KAZN: variants seen among roughly 807,000 people sequenced by gnomAD.
The protein encoded by KAZN is kazrin.
A neutral mutation model predicts 87.4 loss-of-function variants in KAZN; 40 were observed. The observed-to-expected ratio is 0.46, with a 90% CI of 0.36 to 0.60. KAZN has a LOEUF of 0.60. KAZN is among the 20% of genes least tolerant of loss of function. The probability of loss-of-function intolerance (pLI) is 0.00; values close to 1 mark genes in which losing one functional copy is unlikely to be tolerated. For synonymous variants in KAZN, 466 were observed against 458.3 expected (o/e 1.02, Z -0.22); for missense variants, 898 against 1,073.9 (o/e 0.84, Z 2.29).
At chr1:14,200,287 A>T (rs556129805) in intron 2 of KAZN, among the ~76,000 whole-genome samples, 9 of 152,314 alleles carry the variant, frequency 5.9e-5, no homozygotes, top group African/African-American at 1.9e-4. Context: ...GGTAAATTTT[A>T]AAAAAGCTTA....
chr1:15,048,326 G>A (rs2100395378), intron 4 of KAZN, among the ~76,000 whole-genome samples: 1 of 152,356 alleles, frequency 6.6e-6, no homozygotes, highest in Non-Finnish European at 1.5e-5. Flanking sequence ...CCTTGCTGGG[G>A]GCATTTCCTG....
At chr1:13,909,009 C>A (rs184776337) in intron 1 of KAZN, among the ~76,000 whole-genome samples, 2 of 152,324 alleles carry the variant, frequency 1.3e-5, no homozygotes, top group East Asian at 3.9e-4. Context: ...CTCCTCGCTT[C>A]TTGGTACACG....
At chr1:14,861,867 G>T (rs949125622) in intron 1 of KAZN, among the ~76,000 whole-genome samples, 1 of 152,208 alleles carries the variant, frequency 6.6e-6, no homozygotes, top group Non-Finnish European at 1.5e-5. Context: ...GGAGAGAGCC[G>T]ATCTGAGCAG....
At chr1:14,117,367 G>A (rs1036248271) in intron 1 of KAZN, among the ~76,000 whole-genome samples, 4 of 152,138 alleles carry the variant, frequency 2.6e-5, no homozygotes, top group Non-Finnish European at 5.9e-5. Flanking sequence ...ATTTTAAAAA[G>A]GGGAATTTCC....
chr1:15,051,270 A>G (rs1171644651), intron 4 of KAZN, among the ~76,000 whole-genome samples: 1 of 152,238 alleles, frequency 6.6e-6, no homozygotes, highest in Non-Finnish European at 1.5e-5. Context: ...TGATGGGTGC[A>G]CTGTGGCCTC....
At chr1:14,995,315 C>A (rs556413136) in intron 2 of KAZN, among the ~76,000 whole-genome samples, 1 of 152,202 alleles carries the variant, frequency 6.6e-6, no homozygotes, top group African/African-American at 2.4e-5. Context: ...TTAGACCAGG[C>A]GCTCCAGGGA....
At chr1:13,963,819 A>G (rs551146868) in intron 1 of KAZN, among the ~76,000 whole-genome samples, 36 of 150,408 alleles carry the variant, frequency 2.4e-4, no homozygotes, top group African/African-American at 8.8e-4. Flanking sequence ...GTAGTGGATG[A>G]CAGGGCAGTA....
At position 14,249,331 on chromosome 1, in the gene KAZN, A is replaced by G. The variant is rs570485610; in HGVS notation, c.249+68739A>G. Among the ~76,000 whole-genome samples, 6 of 152,352 alleles carry G rather than the reference A, an allele frequency of 3.9e-5. No individual in the cohort carries two copies. In the East Asian group the frequency reaches 1.2e-3, roughly 29 times the overall value. ...CAAAAAGAAAGCTCTGATTATGTGA[A>G]CTTTTGAATTAAAGAAAAACAGTTG... On this transcript the variant is annotated intron_variant, in intron 2 of 16. Transcript: ENST00000636203.
At chr1:14,033,957 T>C (rs997275444) in intron 1 of KAZN, among the ~76,000 whole-genome samples, 1 of 152,214 alleles carries the variant, frequency 6.6e-6, no homozygotes, top group Non-Finnish European at 1.5e-5. Flanking sequence ...ACCAGCAGAC[T>C]GGCACATCTT....
intron 1 of KAZN, among the ~76,000 whole-genome samples, chr1:14,145,675 G>A (rs1399939054): frequency 6.6e-6 from 1 of 151,884 alleles, no homozygotes; most frequent in Non-Finnish European, 1.5e-5. Context: ...CTGTCTCCCA[G>A]ATTCAAGTGA....
At chr1:14,827,838 G>A (rs530398385) in intron 1 of KAZN, among the ~76,000 whole-genome samples, 5 of 152,354 alleles carry the variant, frequency 3.3e-5, no homozygotes, top group African/African-American at 1.2e-4. Flanking sequence ...CCCTGGCTAA[G>A]GTGGAACAGG....
chr1:14,016,214 G>A (rs1210125784), intron 1 of KAZN, among the ~76,000 whole-genome samples: 2 of 152,148 alleles, frequency 1.3e-5, no homozygotes, highest in African/African-American at 4.8e-5. Flanking sequence ...AAAGGACAAT[G>A]TAGGGCTCCG....
intron 1 of KAZN, among the ~76,000 whole-genome samples, chr1:14,121,305 G>A (rs1036745870): frequency 2.0e-5 from 3 of 152,112 alleles, no homozygotes; most frequent in Non-Finnish European, 4.4e-5. Flanking sequence ...TCATCACTAC[G>A]GTGAATGAAG....
Position 14,180,670 on chromosome 1 carries a change from G to C in KAZN, c.249+78G>C, listed in dbSNP as rs1051858119. On this transcript the variant is annotated intron_variant, in intron 2 of 16. Coordinates refer to the KAZN transcript ENST00000636203. ...TTTTTGGCATAAGCTGTCCAAAAATGTTCAACTACCACACCTATTGAAACC... is the reference window on the plus strand; with the variant it reads ...TTTTTGGCATAAGCTGTCCAAAAATCTTCAACTACCACACCTATTGAAACC... 4 of 1,204,396 alleles carry C rather than the reference G, an allele frequency of 3.3e-6. No individual in the cohort carries two copies. In the African/African-American group the frequency reaches 4.6e-5, roughly 14 times the overall value. The allele number at this position is 1,204,396 out of a possible 1,614,324, so 74.6% of individuals were successfully genotyped here. A position where few individuals can be genotyped will look rare whatever the true frequency, so the allele number is the denominator to read the frequency against.
Position 14,894,012 on chromosome 1 carries a change from G to A in KAZN, c.227-66672G>A, listed in dbSNP as rs181133845. Among the ~76,000 whole-genome samples, 819 of 152,198 alleles carry A rather than the reference G, an allele frequency of 5.4e-3. 3 individuals carry two copies. The highest frequency in any genetic ancestry group is 0.027 in the South Asian group (128 of 4,816). Reference sequence around the variant, plus strand: ...GAAGAGTATAATTAATCAGCACTTAGGGACCTCTGGCTGCTGATTTCAAGC... The same window carrying A: ...GAAGAGTATAATTAATCAGCACTTAAGGACCTCTGGCTGCTGATTTCAAGC... On this transcript the variant is annotated intron_variant, in intron 1 of 14. Transcript: ENST00000376030.
intron 1 of KAZN, among the ~76,000 whole-genome samples, chr1:14,009,404 G>C (rs947898621): frequency 6.6e-6 from 1 of 152,076 alleles, no homozygotes; most frequent in Non-Finnish European, 1.5e-5. Flanking sequence ...CATAGTGGCC[G>C]TACCATTTCA....
At chr1:14,074,049 C>T (rs1182233989) in intron 1 of KAZN, among the ~76,000 whole-genome samples, 1 of 152,172 alleles carries the variant, frequency 6.6e-6, no homozygotes, top group African/African-American at 2.4e-5. Flanking sequence ...CTGTCTCAAA[C>T]TACACACCCC....
chr1:14,565,531 A>G (rs1674504115), intron 2 of KAZN, among the ~76,000 whole-genome samples: 1 of 152,138 alleles, frequency 6.6e-6, no homozygotes, highest in African/African-American at 2.4e-5. Context: ...AAAATAAGAC[A>G]ACAATGAAGC....
At chr1:14,120,707 A>T (rs996611928) in intron 1 of KAZN, among the ~76,000 whole-genome samples, 1 of 152,132 alleles carries the variant, frequency 6.6e-6, no homozygotes, top group Non-Finnish European at 1.5e-5. Flanking sequence ...TGTTCTCAGG[A>T]CAGTGGACAT....
Sources: allele counts gnomAD v4.1 joint callset (sites outside exome capture counted in the v4.1 genomes callset), GRCh38; gene constraint gnomAD v4.1.1; transcripts MANE v1.5; gene names NCBI Gene and HGNC (gene_info 2026-07-23, HGNC 2026-07-21).